Variants in CDH18 observed in about 807,000 individuals in gnomAD.
CDH18 encodes the protein cadherin 18.
CDH18 carries 31 observed loss-of-function variants against 67.9 expected under a neutral mutation model. The observed-to-expected ratio is 0.46, with a 90% CI of 0.34 to 0.62. The LOEUF (loss-of-function observed/expected upper bound fraction) is 0.62, where lower values mean the gene tolerates loss of function less well. Among genes scored for constraint, CDH18 ranks in the 20% least tolerant of loss-of-function variants. The probability of loss-of-function intolerance (pLI) is 0.01; values close to 1 mark genes in which losing one functional copy is unlikely to be tolerated. For synonymous variants in CDH18, 362 were observed against 347.2 expected (o/e 1.04, Z -0.48); for missense variants, 890 against 975.5 (o/e 0.91, Z 1.17).
intron 8 of CDH18, among the ~76,000 whole-genome samples, chr5:19,547,013 G>T (rs551603332): frequency 6.6e-6 from 1 of 152,236 alleles, no homozygotes; most frequent in African/African-American, 2.4e-5. Context: ...AAAACCAGAT[G>T]CTACAGAATA....
At chr5:19,801,159 G>A (rs1777421457) in intron 3 of CDH18, among the ~76,000 whole-genome samples, 1 of 151,936 alleles carries the variant, frequency 6.6e-6, no homozygotes, top group Non-Finnish European at 1.5e-5. Context: ...AATAATAGAG[G>A]TGGCATGAAG....
At chr5:20,066,979 G>T (rs892035087) in intron 2 of CDH18, among the ~76,000 whole-genome samples, 1 of 150,888 alleles carries the variant, frequency 6.6e-6, no homozygotes, top group East Asian at 1.9e-4. Context: ...CTCATCCAAA[G>T]ATTCAACCAA....
At chr5:20,014,066 T>C (rs1257558941) in intron 2 of CDH18, among the ~76,000 whole-genome samples, 1 of 152,126 alleles carries the variant, frequency 6.6e-6, no homozygotes, top group African/African-American at 2.4e-5. Context: ...ATTTATCTGA[T>C]ACTTATAGAA....
At chr5:19,475,870 G>A (rs1224896211) in intron 12 of CDH18, among the ~76,000 whole-genome samples, 1 of 151,926 alleles carries the variant, frequency 6.6e-6, no homozygotes, top group Admixed American at 6.6e-5. Context: ...TTTCCCCCCA[G>A]AAACTGCCCT....
chr5:19,570,907 G>A (rs1741272908), intron 8 of CDH18, among the ~76,000 whole-genome samples: 1 of 152,164 alleles, frequency 6.6e-6, no homozygotes, highest in African/African-American at 2.4e-5. Context: ...TTTGGAATTT[G>A]AGATTCCACA....
chr5:20,468,102 T>C (rs1265641398), intron 1 of CDH18, among the ~76,000 whole-genome samples: 1 of 151,926 alleles, frequency 6.6e-6, no homozygotes, highest in East Asian at 1.9e-4. Context: ...GCAACCTCTG[T>C]CTGTCAGGTT....
intron 10 of CDH18, among the ~76,000 whole-genome samples, chr5:19,518,796 C>T (rs373724357): frequency 0.014 from 2,077 of 152,266 alleles, 24 homozygotes; most frequent in South Asian, 0.031. Context: ...ACAGGGCCTA[C>T]TGTGGGACTT....
At chr5:20,320,121 T>C (rs1210931409) in intron 1 of CDH18, among the ~76,000 whole-genome samples, 2 of 152,190 alleles carry the variant, frequency 1.3e-5, no homozygotes, top group Non-Finnish European at 2.9e-5. Flanking sequence ...TAGCATATTT[T>C]TGTATCTCTA....
At chr5:20,512,988 T>TA (rs1755141152) in intron 1 of CDH18, among the ~76,000 whole-genome samples, 3 of 152,116 alleles carry the variant, frequency 2.0e-5, no homozygotes, top group Non-Finnish European at 4.4e-5. Context: ...GGTTTCTCCT[T>TA]CAAAATTCAC....
chr5:19,905,716 G>C (rs1790464801), intron 2 of CDH18, among the ~76,000 whole-genome samples: 1 of 151,972 alleles, frequency 6.6e-6, no homozygotes, highest in African/African-American at 2.4e-5. Context: ...ACTTAGCATA[G>C]AGCACGTGAG....
At chr5:20,471,494 G>A (rs749672264) in intron 1 of CDH18, among the ~76,000 whole-genome samples, 1 of 152,002 alleles carries the variant, frequency 6.6e-6, no homozygotes, top group Non-Finnish European at 1.5e-5. Flanking sequence ...AAAAAGCAGA[G>A]TATTTATTTA....
chr5:19,989,992 T>C (rs1799889616), upstream of CDH18, among the ~76,000 whole-genome samples: 1 of 152,240 alleles, frequency 6.6e-6, no homozygotes, highest in African/African-American at 2.4e-5. Flanking sequence ...CAGTATTATA[T>C]TGCGCATTAT....
chr5:19,874,991 G>A (rs1786772441), intron 2 of CDH18, among the ~76,000 whole-genome samples: 2 of 152,102 alleles, frequency 1.3e-5, no homozygotes, highest in South Asian at 4.1e-4. Flanking sequence ...CACCCAGAAG[G>A]CCTGTTAAAA....
Position 20,492,071 on chromosome 5 carries a change from AG to A in CDH18, c.-580+83390del, listed in dbSNP as rs202149480. ...TTTCTGCTGCCTAGAAAAATTCAGT[AG>A]GTTTACTTAATAATTTTGATAAACA... On this transcript the variant is annotated intron_variant, in intron 1 of 14. Transcript: ENST00000507958. 4.5e-4 allele frequency among the ~76,000 whole-genome samples: 68 copies of A among 152,174 alleles called. No individual in the cohort carries two copies. In the East Asian group the frequency reaches 0.011, roughly 24 times the overall value.
intron 1 of CDH18, among the ~76,000 whole-genome samples, chr5:20,408,730 T>G (rs2150140303): frequency 6.6e-6 from 1 of 151,936 alleles, no homozygotes. Flanking sequence ...CATAGTAAAT[T>G]CTTCCCTATC....
At chr5:19,842,769 C>T (rs1247126176) in intron 2 of CDH18, among the ~76,000 whole-genome samples, 1 of 152,112 alleles carries the variant, frequency 6.6e-6, no homozygotes, top group Non-Finnish European at 1.5e-5. Flanking sequence ...ACTTCCTAGA[C>T]ACTTGTTGAA....
intron 1 of CDH18, among the ~76,000 whole-genome samples, chr5:20,452,664 C>A (rs1418826478): frequency 6.6e-6 from 1 of 151,952 alleles, no homozygotes; most frequent in Non-Finnish European, 1.5e-5. Context: ...GTGTATGAGG[C>A]TTAGTACCTG....
chr5:20,222,464 G>C lies in CDH18; in HGVS notation c.-518+32980C>G, dbSNP rs931045862. Among the ~76,000 whole-genome samples, 6 of 152,082 alleles carry C rather than the reference G, an allele frequency of 3.9e-5. No individual in the cohort carries two copies. The South Asian group carries it at 6.2e-4, about 16-fold the overall frequency. Reference sequence around the variant, plus strand: ...TGGTATATGTAGGATTTTCATCCAGGAAGTGCAGCTTCCTAGAAAGAACTC... The same window carrying C: ...TGGTATATGTAGGATTTTCATCCAGCAAGTGCAGCTTCCTAGAAAGAACTC... On this transcript the variant is annotated intron_variant, in intron 2 of 14. Transcript: ENST00000507958.
chr5:20,460,499 C>T (rs1197960599), intron 1 of CDH18, among the ~76,000 whole-genome samples: 2 of 152,052 alleles, frequency 1.3e-5, no homozygotes, highest in African/African-American at 4.8e-5. Context: ...CTAACTCTGG[C>T]CCATGAGCAT....
Sources: gnomAD v4.1 joint callset for allele counts (sites outside exome capture counted in the v4.1 genomes callset) on GRCh38, gnomAD v4.1.1 for gene constraint, MANE v1.5 for transcripts, NCBI Gene and HGNC (gene_info 2026-07-23, HGNC 2026-07-21) for gene names.